The following FAT3 variants were observed in gnomAD, a reference collection of about 807,000 sequenced individuals.
The protein encoded by FAT3 is protocadherin Fat 3.
A neutral mutation model predicts 310.2 loss-of-function variants in FAT3; 95 were observed. The observed-to-expected ratio is 0.31, with a 90% confidence interval of 0.26 to 0.36. The LOEUF (loss-of-function observed/expected upper bound fraction) is 0.36, where lower values mean the gene tolerates loss of function less well. FAT3 is among the 10% of genes least tolerant of loss of function. The probability of loss-of-function intolerance (pLI) is 1.00; values close to 1 mark genes in which losing one functional copy is unlikely to be tolerated. For missense variants in FAT3, 5,408 were observed against 5,715.6 expected, an observed-to-expected ratio of 0.95 and a Z score of 1.74; for synonymous variants, 2,314 against 2,192.9, an observed-to-expected ratio of 1.06 and a Z score of -1.54.
intron 10 of FAT3, among the ~76,000 whole-genome samples, chr11:92,802,616 A>C (rs1479860998): frequency 6.6e-6 from 1 of 152,154 alleles, no homozygotes; most frequent in Non-Finnish European, 1.5e-5. Flanking sequence ...GGCGACCTTT[A>C]ACTGAAAGAG....
chr11:92,781,440 C>G (rs1307362107), intron 7 of FAT3, among the ~76,000 whole-genome samples: 1 of 152,018 alleles, frequency 6.6e-6, no homozygotes, highest in Non-Finnish European at 1.5e-5. Context: ...CACTCATTTC[C>G]AGTGAGAAAT....
chr11:92,694,929 T>C (rs1224220413), intron 3 of FAT3, among the ~76,000 whole-genome samples: 1 of 152,150 alleles, frequency 6.6e-6, no homozygotes, highest in Non-Finnish European at 1.5e-5. Context: ...CCTTGTCCAA[T>C]AGAATGGCCC....
At chr11:92,612,186 A>G (rs560970027) in intron 3 of FAT3, among the ~76,000 whole-genome samples, 153 of 152,276 alleles carry the variant, frequency 1.0e-3, no homozygotes, top group African/African-American at 3.6e-3. Context: ...ATACAAAGCC[A>G]TTTCAGTTTT....
intron 3 of FAT3, among the ~76,000 whole-genome samples, chr11:92,675,473 T>C (rs1943258307): frequency 6.6e-6 from 1 of 152,218 alleles, no homozygotes; most frequent in Admixed American, 6.5e-5. Flanking sequence ...AGATGTGTTA[T>C]AGCTGAATTA....
chr11:92,376,994 T>A (rs1196710912), intron 2 of FAT3, among the ~76,000 whole-genome samples: 1 of 152,208 alleles, frequency 6.6e-6, no homozygotes, highest in African/African-American at 2.4e-5. Context: ...CAGTGTAAAT[T>A]CTCTTCAATA....
At chr11:92,812,001 G>A (rs764474818) in intron 13 of FAT3, among the ~76,000 whole-genome samples, 1 of 152,176 alleles carries the variant, frequency 6.6e-6, no homozygotes, top group Non-Finnish European at 1.5e-5. Context: ...GGTTGTGAAG[G>A]TCTTGGTCAG....
At chr11:92,760,388 GA>G (rs1347161750) in intron 4 of FAT3, among the ~76,000 whole-genome samples, 1 of 152,064 alleles carries the variant, frequency 6.6e-6, no homozygotes. Context: ...TTTATTAGGT[GA>G]AAAAATAGCT....
In FAT3 at chr11:92,857,328, G is replaced by A; in HGVS notation, c.11480G>A (p.Gly3827Glu). The change falls in exon 20 of 28, where the codon GGG becomes GAG. Residue 3827 changes from glycine to glutamate, a missense_variant. This residue lies in a region of FAT3 where 4,588 missense variants were observed against 4,809.8 expected (regional missense o/e 0.95). Transcript: ENST00000525166. ...CCGTTCCTCTGCCAGTGTCCACCAG[G>A]GAAGCTCGGAGAGTGCTCAGGTGCA... ...RRPFLCQCPP[G>E]KLGECSGHTS... 1.9e-6 allele frequency: 3 copies of A among 1,613,990 alleles called. No homozygotes were observed. Among genetic ancestry groups the A allele is most frequent in the Non-Finnish European group, 2.5e-6 (3 of 1,179,890 alleles).
In FAT3 at chr11:92,805,307, G is replaced by A. The variant is rs2136199892; in HGVS notation, c.9051G>A (p.Val3017=). The change falls in exon 11 of 28, where the codon GTG becomes GTA. Residue 3017 remains valine, a synonymous_variant. Coordinates refer to ENST00000525166, the MANE Select transcript of FAT3 (RefSeq NM_001367949.2). ...TTGTCACACAGGCCATGGTGGAAGT[G>A]AGCGTCAGTGATGTGAATGACAATA... The part of the protein sequence containing the change: ...GLFVTQAMVE[V]SVSDVNDNSP... 1.2e-6 allele frequency: 2 copies of A among 1,613,756 alleles called. No individual in the cohort carries two copies. The highest frequency in any genetic ancestry group is 2.2e-5 in the South Asian group (2 of 91,032).
chr11:92,780,171 T>TC (rs1387693980), intron 7 of FAT3, among the ~76,000 whole-genome samples: 1 of 150,056 alleles, frequency 6.7e-6, no homozygotes, highest in East Asian at 2.0e-4. Flanking sequence ...TTCTTTTTTT[T>TC]TTTTTTCCAG....
intron 2 of FAT3, among the ~76,000 whole-genome samples, chr11:92,449,785 A>G (rs150085341): frequency 1.3e-5 from 2 of 152,304 alleles, no homozygotes; most frequent in East Asian, 3.9e-4. Context: ...GAACTGTGGA[A>G]AGTCATTCAG....
At chr11:92,568,459 T>C (rs912739965) in intron 3 of FAT3, among the ~76,000 whole-genome samples, 4 of 152,160 alleles carry the variant, frequency 2.6e-5, no homozygotes, top group Admixed American at 2.0e-4. Flanking sequence ...CATTTATATA[T>C]GACATTGCCT....
chr11:92,834,786 T>C (rs766814520), intron 14 of FAT3, 84 bp from the exon 15 acceptor site: 1 of 1,176,792 alleles, frequency 8.5e-7, no homozygotes, highest in Non-Finnish European at 1.2e-6. Flanking sequence ...CTGGAGAGGA[T>C]GTTAGAAATA....
intron 2 of FAT3, among the ~76,000 whole-genome samples, chr11:92,400,994 A>C (rs1950000420): frequency 6.6e-6 from 1 of 152,212 alleles, no homozygotes; most frequent in Admixed American, 6.6e-5. Context: ...GAAAAGATTA[A>C]AACCATAAAG....
At chr11:92,610,038 GT>G (rs1045991075) in intron 3 of FAT3, among the ~76,000 whole-genome samples, 38 of 151,934 alleles carry the variant, frequency 2.5e-4, no homozygotes, top group African/African-American at 6.5e-4. Context: ...TTCCTTTTGA[GT>G]TTTTTTTCTT....
chr11:92,333,098 T>G (rs1414264300), intron 1 of FAT3, among the ~76,000 whole-genome samples: 2 of 152,176 alleles, frequency 1.3e-5, no homozygotes, highest in East Asian at 3.8e-4. Context: ...AAGCACCATA[T>G]TTTTATGTAT....
intron 1 of FAT3, among the ~76,000 whole-genome samples, chr11:92,230,434 CA>C (rs1249279072): frequency 6.6e-6 from 1 of 150,720 alleles, no homozygotes; most frequent in Non-Finnish European, 1.5e-5. Context: ...ACTGGGATTA[CA>C]GGCGCACACC....
At chr11:92,806,712 A>G (rs149592106) in intron 12 of FAT3, among the ~76,000 whole-genome samples, 197 bp downstream of exon 12, 1 of 152,308 alleles carries the variant, frequency 6.6e-6, no homozygotes, top group East Asian at 1.9e-4. Context: ...GAAAAGGCAT[A>G]TGGATTTACT....
rs148844626 is a variant in FAT3, at chr11:92,389,504, A to G, written c.3292+34100A>G. The stretch of plus-strand genomic sequence containing the variant: ...TTTACAAGTATGGAGGAAAAGGCGT[A>G]CATGCAAGGAAAGTTAAACAAAAAT... On this transcript the variant is annotated intron_variant, in intron 2 of 27. Coordinates refer to ENST00000525166, the MANE Select transcript of FAT3 (RefSeq NM_001367949.2). Among the ~76,000 whole-genome samples, 43 of 152,352 alleles carry G rather than the reference A, an allele frequency of 2.8e-4. No homozygotes were observed. The East Asian group carries it at 5.0e-3, about 18-fold the overall frequency.
Sources: gnomAD v4.1 joint callset for allele counts (sites outside exome capture counted in the v4.1 genomes callset) on GRCh38, gnomAD v4.1.1 for gene constraint, gnomAD v4.1.1 regional missense constraint, MANE v1.5 for transcripts, NCBI Gene and HGNC (gene_info 2026-07-23, HGNC 2026-07-21) for gene names.